Variants in ZNF519 observed in about 807,000 individuals in gnomAD.
The protein encoded by ZNF519 is zinc finger protein 519.
A neutral mutation model predicts 7.4 loss-of-function variants in ZNF519; 7 were observed. The ratio of observed to expected loss-of-function variants is 0.94; its 90% CI spans 0.54 to 1.77. ZNF519 has a LOEUF of 1.77. ZNF519 is among the 40% of genes most tolerant of loss of function. The pLI is 0.00. For synonymous variants in ZNF519, 179 were observed against 203.3 expected (o/e 0.88, Z 1.02); for missense variants, 586 against 623.1 (o/e 0.94, Z 0.63).
chr18:14,131,279 A>G (rs1453463327), intron 1 of ZNF519, among the ~76,000 whole-genome samples: 1 of 152,230 alleles, frequency 6.6e-6, no homozygotes, highest in African/African-American at 2.4e-5. Flanking sequence ...TAAGTAGAAA[A>G]TAAGTATTTT....
At chr18:14,082,600 A>G (rs1300060188) in intron 3 of ZNF519, 1 of 152,172 alleles carries the variant, frequency 6.6e-6, no homozygotes, top group Non-Finnish European at 1.5e-5. Context: ...TTTTACCACA[A>G]AACAAATATA....
chr18:14,095,460 C>T (rs925697930), downstream of ZNF519, among the ~76,000 whole-genome samples: 1 of 152,214 alleles, frequency 6.6e-6, no homozygotes, highest in Non-Finnish European at 1.5e-5. Context: ...TGGGTTAACC[C>T]AAAGCCCACA....
intron 2 of ZNF519, among the ~76,000 whole-genome samples, chr18:14,093,999 T>C (rs1209114296): frequency 6.6e-6 from 1 of 152,272 alleles, no homozygotes; most frequent in Non-Finnish European, 1.5e-5. Flanking sequence ...TTACTAGACA[T>C]TTCCTTGAAG....
chr18:14,130,694 G>A (rs1189598249), intron 1 of ZNF519, among the ~76,000 whole-genome samples: 1 of 151,842 alleles, frequency 6.6e-6, no homozygotes, highest in Non-Finnish European at 1.5e-5. Context: ...GCCTCCCTGG[G>A]GTGGGTTTTT....
intron 1 of ZNF519, among the ~76,000 whole-genome samples, chr18:14,129,824 T>C (rs566193978): frequency 2.0e-5 from 3 of 152,172 alleles, no homozygotes; most frequent in Admixed American, 1.3e-4. Flanking sequence ...GGCTTCCACA[T>C]TCCCCTCCTC....
Position 14,104,930 on chromosome 18 carries a change from ATTAT to A in ZNF519, c.1606_1609del (p.Ile536PhefsTer17), listed in dbSNP as rs1471296389. On this transcript the variant is annotated frameshift_variant, in exon 3 of 3. Transcript: ENST00000590202. LOFTEE classifies it high-confidence loss of function. ...CTTGCAGGGTTTCTACCTGGTATGA[ATTAT>A]TTGATGTTGAGTAAGGGTTGAGCGT... The A allele has an allele frequency of 5.8e-6, 9 of 1,549,888 alleles. No homozygotes were observed. In the African/African-American group the frequency reaches 1.2e-4, roughly 21 times the overall value.
intron 2 of ZNF519, among the ~76,000 whole-genome samples, chr18:14,114,807 T>C (rs776306871): frequency 6.6e-6 from 1 of 152,278 alleles, no homozygotes; most frequent in Admixed American, 6.5e-5. Context: ...GTAATTAGAT[T>C]GTAAACAAAG....
At chr18:14,106,740 C>G (rs1301548680) in intron 2 of ZNF519, among the ~76,000 whole-genome samples, 1 of 152,170 alleles carries the variant, frequency 6.6e-6, no homozygotes, top group Non-Finnish European at 1.5e-5. Context: ...AATGCCACCC[C>G]TCACTCATGC....
At chr18:14,108,800 T>C (rs1417652108) in intron 2 of ZNF519, among the ~76,000 whole-genome samples, 3 of 152,070 alleles carry the variant, frequency 2.0e-5, no homozygotes, top group Admixed American at 2.0e-4. Flanking sequence ...CGGTTATCTA[T>C]ATAATGAGGG....
At position 14,124,473 on chromosome 18, in the gene ZNF519, G is replaced by A. The variant is rs1306946359; in HGVS notation, c.7C>T (p.Leu3Phe). The A allele has an allele frequency of 1.2e-6, 2 of 1,608,860 alleles. No individual in the cohort carries two copies. Among genetic ancestry groups the A allele is most frequent in the Non-Finnish European group, 8.5e-7 (1 of 1,178,880 alleles). Residue 3 changes from leucine to phenylalanine, a missense_variant, in exon 2 of 3, where the codon CTC becomes TTC. Physicochemically the swap from Leu to Phe is conservative, Grantham distance 22 (BLOSUM62 0). Transcript: ENST00000590202. ME[L>F]LTFRDVAIEF... is the part of the protein sequence containing the mutation. ...ATGGCCACATCCCTGAATGTTAAGA[G>A]TTCCTGGAAACACATATATCAAGTG...
intron 4 of ZNF519, chr18:14,077,663 C>T (rs1287427939): frequency 6.6e-6 from 1 of 152,120 alleles, no homozygotes; most frequent in African/African-American, 2.4e-5. Flanking sequence ...TGGAGAGGTT[C>T]TTCTTTTCCA....
intron 2 of ZNF519, among the ~76,000 whole-genome samples, chr18:14,089,561 A>AAATAG (rs59681174): frequency 1.3e-5 from 2 of 151,736 alleles, no homozygotes; most frequent in African/African-American, 4.8e-5. Context: ...TGAAAAAATA[A>AAATAG]TGTATGTTAA....
intron 2 of ZNF519, among the ~76,000 whole-genome samples, chr18:14,107,902 T>C (rs1485922441): frequency 1.3e-5 from 2 of 152,152 alleles, no homozygotes; most frequent in African/African-American, 4.8e-5. Flanking sequence ...TTGCTAGCTC[T>C]ACCACAGTAC....
chr18:14,103,290 C>G lies in ZNF519; in HGVS notation c.*1627G>C, dbSNP rs2143120258. 6.6e-6 allele frequency: 1 copy of G among 152,000 alleles called. No homozygotes were observed. The highest frequency in any genetic ancestry group is 1.9e-4 in the East Asian group (1 of 5,196). 9.4% of individuals were successfully genotyped at this position (152,000 alleles called of 1,614,324 possible). A position where few individuals can be genotyped will look rare whatever the true frequency, so the allele number is the denominator to read the frequency against. ...ATCATTCTCCAGGATAGACCATATGCTAGGCCATACAGCAGGAAAACGTCA... is the reference window on the plus strand; with the variant it reads ...ATCATTCTCCAGGATAGACCATATGGTAGGCCATACAGCAGGAAAACGTCA... On this transcript the variant is annotated 3_prime_UTR_variant, in exon 3 of 3. Transcript: ENST00000590202.
chr18:14,086,217 C>T (rs2046089986), intron 2 of ZNF519, among the ~76,000 whole-genome samples: 1 of 152,162 alleles, frequency 6.6e-6, no homozygotes, highest in Non-Finnish European at 1.5e-5. Context: ...GGCCCCTGAC[C>T]CAGGCTGGTC....
chr18:14,108,613 AT>A (rs2046205820), intron 2 of ZNF519, among the ~76,000 whole-genome samples: 1 of 151,674 alleles, frequency 6.6e-6, no homozygotes, highest in Admixed American at 6.6e-5. Flanking sequence ...GGCTAAATGG[AT>A]AAAAAAAAAA....
rs543237556 is a variant in ZNF519, at chr18:14,076,143, G to A, written c.*1660C>T. The A allele has an allele frequency of 5.9e-5, 9 of 152,160 alleles. No individual in the cohort carries two copies. In the South Asian group the frequency reaches 1.9e-3, roughly 32 times the overall value. The allele number at this position is 152,160 out of a possible 1,614,324, so 9.4% of individuals were successfully genotyped here. ...AGCTGACAATGTGCTTAACCACTAT[G>A]TGCCTCAACCTTGGACCTAGTCAGT... On this transcript the variant is annotated 3_prime_UTR_variant and NMD_transcript_variant, in exon 5 of 5. Transcript: ENST00000587419.
At chr18:14,110,523 G>GCA (rs2046214736) in intron 2 of ZNF519, among the ~76,000 whole-genome samples, 1 of 151,882 alleles carries the variant, frequency 6.6e-6, no homozygotes, top group African/African-American at 2.4e-5. Flanking sequence ...CAAAAAGTAG[G>GCA]CAGAGAAAAT....
chr18:14,084,429 CT>C (rs1408084430), intron 3 of ZNF519: 4 of 152,184 alleles, frequency 2.6e-5, no homozygotes, highest in Non-Finnish European at 5.9e-5. Context: ...GGAAAAGAAA[CT>C]CCTACATGAG....
Sources: gnomAD v4.1 joint callset for allele counts (sites outside exome capture counted in the v4.1 genomes callset) on GRCh38, gnomAD v4.1.1 for gene constraint, MANE v1.5 for transcripts, NCBI Gene and HGNC (gene_info 2026-07-23, HGNC 2026-07-21) for gene names.